The following GALNT18 variants were observed in gnomAD, a reference collection of about 807,000 sequenced individuals.
The protein encoded by GALNT18 is GalNAc-transferase 18.
GALNT18 carries 44 observed loss-of-function variants against 69.5 expected under a neutral mutation model. The observed-to-expected ratio is 0.63, with a 90% CI of 0.50 to 0.81. The LOEUF is 0.81. GALNT18 is among the 40% of genes least tolerant of loss of function. The probability of loss-of-function intolerance (pLI) is 0.00; values close to 1 mark genes in which losing one functional copy is unlikely to be tolerated. For synonymous variants in GALNT18, 364 were observed against 318.2 expected, an observed-to-expected ratio of 1.14 and a Z score of -1.53; for missense variants, 715 against 810.0, an observed-to-expected ratio of 0.88 and a Z score of 1.42.
intron 1 of GALNT18, among the ~76,000 whole-genome samples, chr11:11,456,722 T>C (rs572297776): frequency 2.2e-4 from 33 of 152,144 alleles, no homozygotes; most frequent in Non-Finnish European, 4.4e-4. Context: ...GTGATGGGTT[T>C]CTAGAGACCC....
chr11:11,503,586 C>T (rs993956797), intron 1 of GALNT18, among the ~76,000 whole-genome samples: 2 of 152,146 alleles, frequency 1.3e-5, no homozygotes, highest in East Asian at 1.9e-4. Context: ...TGTGTTCAGC[C>T]GCTAATAAAG....
At chr11:11,277,775 G>T (rs1421793291) in intron 10 of GALNT18, among the ~76,000 whole-genome samples, 4 of 152,188 alleles carry the variant, frequency 2.6e-5, no homozygotes, top group African/African-American at 9.7e-5. Context: ...AGTAACTTAG[G>T]AGCAAGTTGT....
At chr11:11,534,963 G>A (rs977376617) in intron 1 of GALNT18, among the ~76,000 whole-genome samples, 7 of 152,246 alleles carry the variant, frequency 4.6e-5, no homozygotes, top group African/African-American at 1.7e-4. Context: ...CATGGGGCAG[G>A]GAGCCAGCAG....
intron 9 of GALNT18, 80 bp downstream of exon 9, chr11:11,327,006 A>G (rs1242121889): frequency 9.4e-7 from 1 of 1,066,534 alleles, no homozygotes; most frequent in Non-Finnish European, 1.5e-6. Flanking sequence ...CTCCTTCCCC[A>G]TGACAGAGCC....
chr11:11,548,568 T>A (rs1239238532), intron 1 of GALNT18, among the ~76,000 whole-genome samples: 3 of 152,202 alleles, frequency 2.0e-5, no homozygotes, highest in Admixed American at 2.0e-4. Flanking sequence ...CCTCCCCATT[T>A]GCCAGAGGGA....
intron 1 of GALNT18, among the ~76,000 whole-genome samples, chr11:11,473,188 A>G (rs1856311553): frequency 6.6e-6 from 1 of 152,180 alleles, no homozygotes. Flanking sequence ...ACAGCACATT[A>G]TTAAGTAAAA....
chr11:11,512,179 C>T (rs1415796377), intron 1 of GALNT18, among the ~76,000 whole-genome samples: 2 of 152,186 alleles, frequency 1.3e-5, no homozygotes, highest in African/African-American at 4.8e-5. Context: ...CGCCTGCCCC[C>T]ATGGGTTCAG....
chr11:11,276,431 G>C (rs1184874099), intron 10 of GALNT18, among the ~76,000 whole-genome samples: 1 of 152,208 alleles, frequency 6.6e-6, no homozygotes, highest in Non-Finnish European at 1.5e-5. Flanking sequence ...ATTTGGGGCT[G>C]AGACAATGGG....
Position 11,340,701 on chromosome 11 carries a change from T to C in GALNT18, c.1278+118A>G. ...AATATGTTTTGGGGTTGAGAGTCCA[T>C]TCTTGCATGGCAAACAGGACTCTGG... On this transcript the variant is annotated intron_variant, in intron 7 of 10. Coordinates refer to ENST00000227756, the MANE Select transcript of GALNT18 (RefSeq NM_198516.3). The surrounding 1 kb of genome is among the most constrained non-coding windows in gnomAD (Gnocchi z 4.2). 3.1e-6 allele frequency: 3 copies of C among 966,290 alleles called. No individual in the cohort carries two copies. Among genetic ancestry groups the C allele is most frequent in the Non-Finnish European group, 4.6e-6 (3 of 649,622 alleles). 59.9% of individuals were successfully genotyped at this position (966,290 alleles called of 1,614,324 possible).
In GALNT18 at chr11:11,490,223, T is replaced by TAA. The variant is rs1856734424; in HGVS notation, c.236-41288_236-41287insTT. Among the ~76,000 whole-genome samples the TAA allele has an allele frequency of 1.0e-3, 78 of 77,730 alleles. 1 individual carries two copies. The South Asian group carries it at 0.019, about 19-fold the overall frequency. The allele number at this position is 77,730 out of a possible 152,430, so 51.0% of individuals were successfully genotyped here. ...CATTCTCTCTCTCTCTCTCTCTCTCTCTCTCTCTCTAACACACACACACAC... is the reference window on the plus strand; with the variant it reads ...CATTCTCTCTCTCTCTCTCTCTCTCTAACTCTCTCTCTAACACACACACACAC... On this transcript the variant is annotated intron_variant, in intron 1 of 10. Transcript: ENST00000227756.
intron 6 of GALNT18, among the ~76,000 whole-genome samples, chr11:11,370,925 T>C (rs12288572): frequency 0.095 from 14,429 of 152,228 alleles, 864 homozygotes; most frequent in South Asian, 0.15. Flanking sequence ...TGAGCATTTA[T>C]CCAGGAGCAG....
chr11:11,551,392 C>T (rs1012260007), intron 1 of GALNT18, among the ~76,000 whole-genome samples: 1 of 152,168 alleles, frequency 6.6e-6, no homozygotes, highest in Non-Finnish European at 1.5e-5. Flanking sequence ...CTTCAAACCC[C>T]ATGACTTCCC....
chr11:11,340,289 A>AACACAGT lies in GALNT18; in HGVS notation c.1278+529_1278+530insACTGTGT, dbSNP rs60707940. 2.3e-5 allele frequency among the ~76,000 whole-genome samples: 1 copy of AACACAGT among 43,678 alleles called. No individual in the cohort carries two copies. Among genetic ancestry groups the AACACAGT allele is most frequent in the African/African-American group, 1.5e-4 (1 of 6,594 alleles). 28.7% of individuals were successfully genotyped at this position (43,678 alleles called of 152,430 possible). On this transcript the variant is annotated intron_variant, in intron 7 of 10. Transcript: ENST00000227756. This position sits in a 1 kb window ranked among gnomAD's most constrained non-coding sequence, Gnocchi z 4.2. ...CAATGATGAGGCTCTGTGAAGGTTAACTCCATCTCCTAGTGAAGGTCCCTG... is the reference window on the plus strand; with the variant it reads ...CAATGATGAGGCTCTGTGAAGGTTAAACACAGTCTCCATCTCCTAGTGAAGGTCCCTG...
In GALNT18 at chr11:11,421,802, T is replaced by G. The variant is rs1259519698; in HGVS notation, c.595+10819A>C. The stretch of plus-strand genomic sequence containing the variant: ...ACGCTGCTAGCACACAGCATCTTGA[T>G]GTACTTGGCCAAAAGGTGCCTTCTC... On this transcript the variant is annotated intron_variant, in intron 3 of 10. Transcript: ENST00000227756. This position sits in a 1 kb window ranked among gnomAD's most constrained non-coding sequence, Gnocchi z 5.6. Among the ~76,000 whole-genome samples the G allele has an allele frequency of 6.6e-6, 1 of 151,998 alleles. No homozygotes were observed. Among genetic ancestry groups the G allele is most frequent in the Non-Finnish European group, 1.5e-5 (1 of 68,014 alleles).
intron 9 of GALNT18, among the ~76,000 whole-genome samples, chr11:11,321,728 G>A (rs144114518): frequency 6.9e-4 from 105 of 152,274 alleles, no homozygotes; most frequent in Non-Finnish European, 1.3e-3. Flanking sequence ...TCAGCCTTCC[G>A]AGTAGCTGGA....
intron 10 of GALNT18, among the ~76,000 whole-genome samples, chr11:11,284,621 C>T (rs1171172838): frequency 1.3e-5 from 2 of 152,136 alleles, no homozygotes; most frequent in East Asian, 1.9e-4. Context: ...TGTACTAGCT[C>T]GTGTATTCCA....
intron 1 of GALNT18, among the ~76,000 whole-genome samples, chr11:11,458,345 G>A (rs1855967552): frequency 6.6e-6 from 1 of 152,138 alleles, no homozygotes; most frequent in Admixed American, 6.5e-5. Context: ...CTTTATTGAG[G>A]TATAATTTAT....
rs546074401 is a variant in GALNT18, at chr11:11,417,025, C to A, written c.595+15596G>T. Among the ~76,000 whole-genome samples the A allele has an allele frequency of 3.3e-5, 5 of 152,338 alleles. 1 individual carries two copies. The highest frequency in any genetic ancestry group is 4.1e-4 in the South Asian group (2 of 4,830). On this transcript the variant is annotated intron_variant, in intron 3 of 10. Coordinates refer to ENST00000227756, the MANE Select transcript of GALNT18 (RefSeq NM_198516.3). ...CCTGGTCGGCTTTCTCAGGCACTGG[C>A]CACATCTATTCCTACTCCTGACTTG...
chr11:11,456,849 T>C (rs985693444), intron 1 of GALNT18, among the ~76,000 whole-genome samples: 19 of 152,146 alleles, frequency 1.2e-4, no homozygotes, highest in Admixed American at 9.2e-4. Context: ...CATAATGTGG[T>C]CTCAGTGATA....
Sources: allele counts gnomAD v4.1 joint callset (sites outside exome capture counted in the v4.1 genomes callset), GRCh38; gene constraint gnomAD v4.1.1; non-coding constraint Gnocchi (gnomAD v3.1); transcripts MANE v1.5; gene names NCBI Gene and HGNC (gene_info 2026-07-23, HGNC 2026-07-21).